Variants in HSP90AA1 observed in about 807,000 individuals in gnomAD.
HSP90AA1 encodes the protein heat shock protein 90 alpha family class A member 1.
Under a neutral mutation model 73.3 loss-of-function variants are expected in HSP90AA1, and 18 were observed. That is an observed-to-expected ratio of 0.25 (90% CI 0.17 to 0.36). HSP90AA1 has a LOEUF of 0.36. HSP90AA1 is among the 10% of genes least tolerant of loss of function. HSP90AA1 has a pLI of 1.00. For missense variants in HSP90AA1, 704 were observed against 874.2 expected (o/e 0.81, Z 2.45); for synonymous variants, 477 against 296.9 (o/e 1.61, Z -6.24).
At chr14:102,085,674 C>A in intron 3 of HSP90AA1, 84 bp downstream of exon 3, 1 of 1,588,094 alleles carries the variant, frequency 6.3e-7, no homozygotes. Context: ...ATTCTGTAAG[C>A]TTCACCGCAT....
At position 102,084,852 on chromosome 14, in the gene HSP90AA1, C is replaced by T. The variant is rs894040659; in HGVS notation, c.810G>A (p.Lys270=). Residue 270 remains lysine, a synonymous_variant, in exon 5 of 11, where the codon AAG becomes AAA. Transcript: ENST00000216281. The part of the protein sequence containing the change: ...DVGSDEEEEK[K]DGDKKKKKKI... ...TCTTCTTCTTCTTCTTGTCACCATC[C>T]TTCTTTTCTTCTTCCTCATCAGAAC... 5.7e-6 allele frequency: 9 copies of T among 1,580,672 alleles called. No homozygotes were observed. Among genetic ancestry groups the T allele is most frequent in the Non-Finnish European group, 7.0e-6 (8 of 1,150,022 alleles).
rs71116879 is a variant in HSP90AA1, at chr14:102,100,423, GTT to G, written c.366+1450_366+1451del. On this transcript the variant is annotated intron_variant, in intron 2 of 11. Coordinates refer to the HSP90AA1 transcript ENST00000334701. ...TCAAAAAAACAAAATTTCCAGTCTG[GTT>G]TTTTTTTTTTTTTTTTTGAGATGGA... 3.1e-3 allele frequency among the ~76,000 whole-genome samples: 331 copies of G among 106,254 alleles called. 2 individuals are homozygous for G. The highest frequency in any genetic ancestry group is 6.5e-3 in the African/African-American group (198 of 30,466). 69.7% of individuals were successfully genotyped at this position (106,254 alleles called of 152,430 possible).
At chr14:102,103,265 A>G (rs1057064738) in intron 1 of HSP90AA1, among the ~76,000 whole-genome samples, 3 of 136,162 alleles carry the variant, frequency 2.2e-5, no homozygotes, top group South Asian at 2.6e-4. Context: ...GTTCTAGTGC[A>G]GTGGCATGAT....
chr14:102,105,948 C>T (rs1290888620), intron 1 of HSP90AA1, among the ~76,000 whole-genome samples: 1 of 151,972 alleles, frequency 6.6e-6, no homozygotes, highest in Non-Finnish European at 1.5e-5. Context: ...TATGCACATG[C>T]GCCTGTAATC....
chr14:102,112,967 C>A (rs1342297144), intron 1 of HSP90AA1, among the ~76,000 whole-genome samples: 1 of 152,072 alleles, frequency 6.6e-6, no homozygotes, highest in Admixed American at 6.6e-5. Flanking sequence ...CCCTGTACAG[C>A]CTGTTTTCTT....
chr14:102,097,152 A>C (rs1259431554), intron 2 of HSP90AA1, among the ~76,000 whole-genome samples: 1 of 151,746 alleles, frequency 6.6e-6, no homozygotes, highest in African/African-American at 2.4e-5. Flanking sequence ...ACACCTTGCT[A>C]ATTTTGTATT....
intron 2 of HSP90AA1, 27 bp from the exon 3 acceptor site, chr14:102,086,151 C>T (rs758471197): frequency 6.2e-7 from 1 of 1,614,006 alleles, no homozygotes; most frequent in South Asian, 1.1e-5. Flanking sequence ...TTAATTTAAG[C>T]ATACAGCACC....
At chr14:102,091,706 A>G (rs562480392), upstream of HSP90AA1, among the ~76,000 whole-genome samples, 3 of 151,826 alleles carry the variant, frequency 2.0e-5, 1 homozygote, top group South Asian at 6.2e-4. Flanking sequence ...GGTTCACTAC[A>G]CCATCAGCCT....
At chr14:102,095,873 A>G (rs10133307) in intron 2 of HSP90AA1, among the ~76,000 whole-genome samples, 14,242 of 152,012 alleles carry the variant, frequency 0.094, 1,042 homozygotes, top group African/African-American at 0.2. Flanking sequence ...TATCTATTCT[A>G]CATTCCCGTT....
chr14:102,117,143 G>C (rs945150619), intron 1 of HSP90AA1, among the ~76,000 whole-genome samples: 6 of 152,178 alleles, frequency 3.9e-5, no homozygotes, highest in East Asian at 1.9e-4. Context: ...AGACGCCAAG[G>C]GGGGTGCTAA....
At chr14:102,102,177 ATGCCCTGGCTTCC>A (rs2049503041) in intron 1 of HSP90AA1, 1 of 1,021,702 alleles carries the variant, frequency 9.8e-7, no homozygotes, top group African/African-American at 1.6e-5. Flanking sequence ...CCAAGCAGGC[ATGCCCTGGCTTCC>A]TTAGACTTCC....
At chr14:102,101,977 G>A in exon 2 of HSP90AA1, 1 of 1,614,116 alleles carries the variant, frequency 6.2e-7, no homozygotes. Flanking sequence ...GGAATGCAGA[G>A]ACGTGGAAGG....
chr14:102,098,841 T>A (rs1371759940), intron 2 of HSP90AA1, among the ~76,000 whole-genome samples: 1 of 152,204 alleles, frequency 6.6e-6, no homozygotes, highest in Non-Finnish European at 1.5e-5. Flanking sequence ...GCTTCAGTTT[T>A]GTTGTCTGTA....
At chr14:102,098,459 CTTTT>C (rs55683551) in intron 2 of HSP90AA1, among the ~76,000 whole-genome samples, 994 of 75,482 alleles carry the variant, frequency 0.013, 6 homozygotes, top group African/African-American at 0.031. Flanking sequence ...TGCACCTGGC[CTTTT>C]TTTTTTTTTT....
At chr14:102,091,793 A>C (rs1214284656), upstream of HSP90AA1, among the ~76,000 whole-genome samples, 2 of 151,738 alleles carry the variant, frequency 1.3e-5, no homozygotes, top group Admixed American at 6.6e-5. Context: ...CACCCAGCTA[A>C]ATTTTATTTT....
At chr14:102,112,781 G>A (rs1008311852) in intron 1 of HSP90AA1, among the ~76,000 whole-genome samples, 2 of 152,044 alleles carry the variant, frequency 1.3e-5, no homozygotes, top group African/African-American at 4.8e-5. Flanking sequence ...GTGCCCAGTT[G>A]ATTTCAACTT....
At chr14:102,133,642 C>A (rs1008647255) in intron 1 of HSP90AA1, among the ~76,000 whole-genome samples, 34 of 151,938 alleles carry the variant, frequency 2.2e-4, no homozygotes, top group African/African-American at 5.8e-4. Context: ...TGGCACCACG[C>A]CTGGCTAATT....
At chr14:102,087,527 G>A (rs1595661313), upstream of HSP90AA1, among the ~76,000 whole-genome samples, 1 of 151,876 alleles carries the variant, frequency 6.6e-6, no homozygotes, top group South Asian at 2.1e-4. Flanking sequence ...AGAGCGGCCC[G>A]GGTCTCACGC....
In HSP90AA1 at chr14:102,120,998, TACACACACACACACACACACACATACAC is replaced by T. The variant is rs1209414914; in HGVS notation, c.155+18224_155+18251del. ...ATATTATACATACTAATCTGCAACA[TACACACACACACACACACACACATACAC>T]ACACACACACACACACGTAAAGTTG... On this transcript the variant is annotated intron_variant, in intron 1 of 11. Transcript: ENST00000334701. 5.7e-4 allele frequency among the ~76,000 whole-genome samples: 85 copies of T among 149,438 alleles called. 1 individual carries two copies. Among genetic ancestry groups the T allele is most frequent in the African/African-American group, 2.1e-3 (84 of 40,008 alleles).
Sources: allele counts gnomAD v4.1 joint callset (sites outside exome capture counted in the v4.1 genomes callset), GRCh38; gene constraint gnomAD v4.1.1; transcripts MANE v1.5; gene names NCBI Gene and HGNC (gene_info 2026-07-23, HGNC 2026-07-21).